PRDM2: variants seen among roughly 807,000 people sequenced by gnomAD.
The protein encoded by PRDM2 is PR domain zinc finger protein 2.
Under a neutral mutation model 130.0 loss-of-function variants are expected in PRDM2, and 30 were observed. That is an observed-to-expected ratio of 0.23 (90% CI 0.17 to 0.31). PRDM2 has a LOEUF of 0.31. Ranked by LOEUF, PRDM2 falls within the 10% of genes least tolerant of loss-of-function variation. PRDM2 has a pLI of 1.00. For synonymous variants in PRDM2, 871 were observed against 782.4 expected (o/e 1.11, Z -1.89); for missense variants, 2,011 against 2,108.4 (o/e 0.95, Z 0.90).
rs559724278 is a variant in PRDM2 at position 13,775,849 on chromosome 1, G to A, written c.623-2569G>A. The stretch of plus-strand genomic sequence containing the variant: ...TGCCAGTCTTGCTCCTCGGCCTCCA[G>A]TGATGACCTTCCCCCATCCCTTCAC... On this transcript the variant is annotated intron_variant, in intron 7 of 9. Transcript: ENST00000311066. Among the ~76,000 whole-genome samples the A allele has an allele frequency of 4.6e-5, 7 of 152,214 alleles. No homozygotes were observed. The South Asian group carries it at 1.4e-3, about 32-fold the overall frequency.
At chr1:13,786,454 A>T in intron 8 of PRDM2, 4 of 1,580,798 alleles carry the variant, frequency 2.5e-6, no homozygotes, top group South Asian at 1.1e-5. Flanking sequence ...TTTCTTTAAC[A>T]TGGTCAATCA....
Position 13,778,668 on chromosome 1 carries a change from C to T in PRDM2, c.873C>T (p.Asp291=), listed in dbSNP as rs1399994086. The change falls in exon 8 of 10, where the codon GAC becomes GAT. Residue 291 remains aspartate, a synonymous_variant. Transcript: ENST00000311066. ...EEDDDDDELE[D]EGEEEASMPN... ...ATGATGATGATGATGAGTTGGAAGA[C>T]GAGGGGGAAGAAGAAGCCAGCATGC... 5.0e-6 allele frequency: 8 copies of T among 1,613,812 alleles called. No individual in the cohort carries two copies. Among genetic ancestry groups the T allele is most frequent in the Admixed American group, 1.7e-5 (1 of 59,992 alleles).
intron 2 of PRDM2, 83 bp from the exon 3 acceptor site, chr1:13,730,913 ACTTG>A: frequency 5.3e-6 from 5 of 946,616 alleles, no homozygotes; most frequent in Non-Finnish European, 7.9e-6. Flanking sequence ...ATTTTTGCAT[ACTTG>A]CTTATTGAAC....
intron 8 of PRDM2, among the ~76,000 whole-genome samples, chr1:13,797,960 T>C (rs961388829): frequency 2.0e-5 from 3 of 152,242 alleles, no homozygotes; most frequent in Non-Finnish European, 2.9e-5. Flanking sequence ...CTCTTTGATA[T>C]ACTTACAGCA....
intron 2 of PRDM2, among the ~76,000 whole-genome samples, chr1:13,720,046 CAGTT>C (rs1207407037): frequency 1.3e-5 from 2 of 152,026 alleles, no homozygotes; most frequent in Non-Finnish European, 2.9e-5. Context: ...TGCCACTTTC[CAGTT>C]AGTTTTGATC....
chr1:13,742,086 G>T lies in PRDM2; in HGVS notation c.313G>T (p.Ala105Ser), dbSNP rs1643463476. 6.2e-7 allele frequency: 1 copy of T among 1,612,154 alleles called. No homozygotes were observed. Among genetic ancestry groups the T allele is most frequent in the Non-Finnish European group, 8.5e-7 (1 of 1,178,170 alleles). ...AAACTGGCTGCGATATGTGAATTGG[G>T]CTTGCTCAGGAGAAGAGCAAAATTT... Reference protein sequence around the residue: ...KGNWLRYVNWACSGEEQNLFP... With the variant: ...KGNWLRYVNWSCSGEEQNLFP... Residue 105 changes from alanine (A) to serine (S), a missense_variant, in exon 5 of 10, where the codon GCT (alanine) becomes TCT (serine). Physicochemically the swap from Ala to Ser is moderately conservative, Grantham distance 99 (BLOSUM62 1). Around this residue, in one of 5 missense-constraint regions of PRDM2, gnomAD observed 1,288 missense variants for 1,237.7 expected, o/e 1.04. Transcript: ENST00000311066.
intron 8 of PRDM2, among the ~76,000 whole-genome samples, chr1:13,791,239 TC>T (rs1277230199): frequency 1.3e-5 from 2 of 152,176 alleles, no homozygotes; most frequent in African/African-American, 2.4e-5. Context: ...AAGGAAATCT[TC>T]CTGGTGCAGC....
intron 4 of PRDM2, among the ~76,000 whole-genome samples, chr1:13,734,772 G>C (rs1643216117): frequency 6.6e-6 from 1 of 152,056 alleles, no homozygotes. Flanking sequence ...TCTCATTCAA[G>C]TAGTTCTGAC....
chr1:13,799,736 C>T (rs1381275286), intron 8 of PRDM2, among the ~76,000 whole-genome samples: 2 of 152,194 alleles, frequency 1.3e-5, no homozygotes, highest in African/African-American at 4.8e-5. Flanking sequence ...CCTGTTTATG[C>T]CGCTTGTATT....
At chr1:13,702,050 A>G (rs1642087825) in intron 1 of PRDM2, among the ~76,000 whole-genome samples, 1 of 152,222 alleles carries the variant, frequency 6.6e-6, no homozygotes, top group East Asian at 1.9e-4. Flanking sequence ...GAAAAGCACA[A>G]AGAAGAAACA....
chr1:13,782,860 G>T, intron 8 of PRDM2, 29 bp downstream of exon 8: 1 of 1,605,520 alleles, frequency 6.2e-7, no homozygotes, highest in Non-Finnish European at 8.5e-7. Flanking sequence ...GGGAGGGAAA[G>T]ACCGGGAAGG....
At chr1:13,783,323 A>G (rs751380376) in intron 8 of PRDM2, 1 of 367,212 alleles carries the variant, frequency 2.7e-6, no homozygotes. Context: ...CAATGCTTAA[A>G]TTTTAATAAT....
intron 6 of PRDM2, among the ~76,000 whole-genome samples, chr1:13,766,198 T>C (rs1264305269): frequency 6.6e-6 from 1 of 152,182 alleles, no homozygotes; most frequent in African/African-American, 2.4e-5. Flanking sequence ...AGCTTAGTCA[T>C]ATGCTTTTGT....
At chr1:13,790,273 G>C (rs1410383915) in intron 8 of PRDM2, among the ~76,000 whole-genome samples, 1 of 152,182 alleles carries the variant, frequency 6.6e-6, no homozygotes, top group Non-Finnish European at 1.5e-5. Flanking sequence ...TGTGCTTTAG[G>C]CCTCGCAGTG....
chr1:13,756,216 T>C (rs1643948277), intron 6 of PRDM2, among the ~76,000 whole-genome samples: 1 of 150,950 alleles, frequency 6.6e-6, no homozygotes, highest in Admixed American at 6.6e-5. Context: ...TGAGCCGAGA[T>C]TGCGCCACAG....
At chr1:13,800,163 A>T (rs567468226) in intron 8 of PRDM2, among the ~76,000 whole-genome samples, 1 of 152,144 alleles carries the variant, frequency 6.6e-6, no homozygotes, top group South Asian at 2.1e-4. Flanking sequence ...CAGGGAACAA[A>T]ACTGTCACAA....
At chr1:13,733,076 T>C (rs1243108975) in intron 4 of PRDM2, among the ~76,000 whole-genome samples, 194 bp downstream of exon 4, 1 of 152,234 alleles carries the variant, frequency 6.6e-6, no homozygotes, top group Non-Finnish European at 1.5e-5. Context: ...ATTTTGAAAC[T>C]GCTTGGCTGT....
At chr1:13,759,561 G>A (rs182082945) in intron 6 of PRDM2, among the ~76,000 whole-genome samples, 3 of 152,246 alleles carry the variant, frequency 2.0e-5, no homozygotes, top group Non-Finnish European at 4.4e-5. Context: ...GCCATAAGCA[G>A]AATGTCTAAG....
In PRDM2 at chr1:13,802,115, C is replaced by G. The variant is rs74535500; in HGVS notation, c.5037-14312C>G. 5.2e-3 allele frequency among the ~76,000 whole-genome samples: 786 copies of G among 152,340 alleles called. 27 individuals carry two copies. The East Asian group carries it at 0.074, about 14-fold the overall frequency. ...GTAGAAGGCACAAGAGCAGACTTTA[C>G]TATTCAACCCCGGACCCTGGGCACA... On this transcript the variant is annotated intron_variant, in intron 8 of 9. Transcript: ENST00000311066.
Sources: gnomAD v4.1 joint callset for allele counts (sites outside exome capture counted in the v4.1 genomes callset) on GRCh38, gnomAD v4.1.1 for gene constraint, gnomAD v4.1.1 regional missense constraint, MANE v1.5 for transcripts, NCBI Gene and HGNC (gene_info 2026-07-23, HGNC 2026-07-21) for gene names.